The following NUP98 variants were observed in gnomAD, a reference collection of about 807,000 sequenced individuals.
The protein encoded by NUP98 is nucleoporin 98 and 96 precursor, also known as nuclear pore complex protein Nup98-Nup96.
A neutral mutation model predicts 191.9 loss-of-function variants in NUP98; 26 were observed. That is an observed-to-expected ratio of 0.14 (90% CI 0.10 to 0.19). The LOEUF (loss-of-function observed/expected upper bound fraction) is 0.19, where lower values mean the gene tolerates loss of function less well. Ranked by LOEUF, NUP98 falls within the 10% of genes least tolerant of loss-of-function variation. The pLI, the probability that NUP98 is intolerant of heterozygous loss-of-function variation, is 1.00. For synonymous variants in NUP98, 808 were observed against 778.4 expected, an observed-to-expected ratio of 1.04 and a Z score of -0.63; for missense variants, 1,941 against 2,178.8, an observed-to-expected ratio of 0.89 and a Z score of 2.17.
intron 22 of NUP98, 52 bp from the exon 23 acceptor site, chr11:3,702,944 A>T: frequency 7.0e-7 from 1 of 1,430,784 alleles, no homozygotes; most frequent in East Asian, 2.3e-5. Context: ...AACACAAGCT[A>T]TTGTTTCTTG....
intron 21 of NUP98, 118 bp from the exon 22 acceptor site, chr11:3,705,474 CTA>C (rs1318634775): frequency 6.3e-6 from 6 of 950,758 alleles, no homozygotes; most frequent in Admixed American, 2.3e-5. Flanking sequence ...GTGTACAGAG[CTA>C]GTATATTTGT....
At chr11:3,679,902 T>TA (rs200490564) in intron 30 of NUP98, 194 bp from the exon 31 acceptor site, 7,605 of 592,638 alleles carry the variant, frequency 0.013, 89 homozygotes, top group Admixed American at 0.016. Flanking sequence ...GGTATCACAA[T>TA]AAAATCACAA....
intron 12 of NUP98, among the ~76,000 whole-genome samples, chr11:3,743,370 G>C (rs914484055): frequency 6.6e-6 from 1 of 150,542 alleles, no homozygotes; most frequent in Admixed American, 6.6e-5. Flanking sequence ...ATTTCGGCCT[G>C]GCGTGGTGGC....
chr11:3,791,451 T>G (rs562535753), intron 1 of NUP98, among the ~76,000 whole-genome samples: 2 of 139,186 alleles, frequency 1.4e-5, no homozygotes, highest in Admixed American at 1.6e-4. Context: ...GGAGAATCAG[T>G]GGAACCCAGA....
rs142243401 is a variant in NUP98 at position 3,679,564 on chromosome 11, T to G, written c.5063A>C (p.His1688Pro). 3 of 1,614,214 alleles carry G rather than the reference T, an allele frequency of 1.9e-6. No homozygotes were observed. In the South Asian group the frequency reaches 3.3e-5, roughly 18 times the overall value. The change falls in exon 31 of 33, where the codon CAT (histidine) becomes CCT (proline). Residue 1688 changes from histidine to proline, a missense_variant. By Grantham distance (77) the His-to-Pro change is moderately conservative (BLOSUM62 -2). Around this residue, in one of 6 missense-constraint regions of NUP98, gnomAD observed 1,030 missense variants for 1,115.8 expected, o/e 0.92. Transcript: ENST00000324932. The stretch of plus-strand genomic sequence containing the variant: ...CAGGATCTCAGGTACCTGCTGTATA[T>G]GGCGGAGCATTTCAATGACTCTAAT... ...DYIRVIEMLR[H>P]IQQVDCSGND...
Position 3,699,455 on chromosome 11 carries a change from C to T in NUP98, c.3743-107G>A. 7 of 1,219,952 alleles carry T rather than the reference C, an allele frequency of 5.7e-6. No homozygotes were observed. The South Asian group carries it at 8.5e-5, about 15-fold the overall frequency. 75.6% of individuals were successfully genotyped at this position (1,219,952 alleles called of 1,614,324 possible). ...TAAAAATACATAAATTAATAGACAT[C>T]TCAAACAACCACTCAAGCTGATTAC... On this transcript the variant is annotated intron_variant, in intron 24 of 32. Coordinates refer to ENST00000324932, the MANE Select transcript of NUP98 (RefSeq NM_016320.5).
chr11:3,762,825 A>G, intron 9 of NUP98, 77 bp downstream of exon 9: 1 of 1,505,066 alleles, frequency 6.6e-7, no homozygotes, highest in Non-Finnish European at 9.1e-7. Context: ...CCTGCAAAAC[A>G]GTCAAATCCT....
intron 21 of NUP98, among the ~76,000 whole-genome samples, chr11:3,705,837 C>A (rs531528661): frequency 6.6e-6 from 1 of 152,044 alleles, no homozygotes; most frequent in African/African-American, 2.4e-5. Flanking sequence ...ATGACTTGCA[C>A]AAAGTAATAA....
At chr11:3,753,279 G>A (rs2080833743) in intron 11 of NUP98, 37 bp downstream of exon 11, 2 of 1,482,302 alleles carry the variant, frequency 1.3e-6, no homozygotes, top group East Asian at 2.3e-5. Context: ...AAGTCAAGCT[G>A]TGTCACTTCC....
chr11:3,735,328 TTA>T lies in NUP98; in HGVS notation c.1409-6_1409-5del. On this transcript the variant is annotated splice_region_variant and splice_polypyrimidine_tract_variant and intron_variant, in intron 12 of 32. Transcript: ENST00000324932. ...GAAGCATTTGGATCTGTCAAAGCTT[TTA>T]AAAAAAAAAAAAGAAAACAAAATAT... is the stretch of plus-strand genomic sequence containing the variant. The T allele has an allele frequency of 1.4e-6, 2 of 1,445,824 alleles. No homozygotes were observed. Among genetic ancestry groups the T allele is most frequent in the East Asian group, 2.4e-5 (1 of 42,432 alleles). The allele number at this position is 1,445,824 out of a possible 1,614,324, so 89.6% of individuals were successfully genotyped here.
chr11:3,769,520 G>A (rs2133896819), intron 7 of NUP98, among the ~76,000 whole-genome samples: 1 of 146,466 alleles, frequency 6.8e-6, no homozygotes, highest in Admixed American at 7.0e-5. Flanking sequence ...AGGCTGCAGT[G>A]AGCTATGATT....
intron 7 of NUP98, among the ~76,000 whole-genome samples, chr11:3,771,182 A>G (rs1197716334): frequency 6.6e-6 from 1 of 152,100 alleles, no homozygotes; most frequent in African/African-American, 2.4e-5. Flanking sequence ...TCCTTGTCCA[A>G]GACACTAACA....
intron 1 of NUP98, among the ~76,000 whole-genome samples, chr11:3,796,125 C>G (rs905210507): frequency 2.0e-5 from 3 of 152,194 alleles, no homozygotes; most frequent in African/African-American, 4.8e-5. Flanking sequence ...AAGACCGTCA[C>G]AGGGAATGAT....
At chr11:3,749,804 T>C (rs999436354) in intron 11 of NUP98, among the ~76,000 whole-genome samples, 2 of 150,386 alleles carry the variant, frequency 1.3e-5, no homozygotes, top group Non-Finnish European at 3.0e-5. Context: ...AATGTACCAA[T>C]TTCTACTGTC....
intron 30 of NUP98, 41 bp downstream of exon 30, chr11:3,683,158 GA>G: frequency 2.5e-6 from 4 of 1,610,516 alleles, no homozygotes; most frequent in Non-Finnish European, 3.4e-6. Context: ...GAGGTTGGAG[GA>G]ATTTGGGGTG....
At chr11:3,742,905 T>C (rs1350093131) in intron 12 of NUP98, among the ~76,000 whole-genome samples, 2 of 152,172 alleles carry the variant, frequency 1.3e-5, no homozygotes, top group Admixed American at 6.6e-5. Flanking sequence ...GGGAGATTAA[T>C]TTAGTGGTAC....
intron 18 of NUP98, among the ~76,000 whole-genome samples, chr11:3,717,499 A>T (rs1175251175): frequency 1.3e-5 from 2 of 152,196 alleles, no homozygotes; most frequent in Admixed American, 6.5e-5. Flanking sequence ...GTTAGTGTAT[A>T]GCAGTGCAAC....
intron 4 of NUP98, among the ~76,000 whole-genome samples, chr11:3,776,515 G>A (rs11029727): frequency 6.1e-4 from 89 of 145,304 alleles, no homozygotes; most frequent in African/African-American, 2.0e-3. Context: ...ACGGAGTCTC[G>A]CTGTGTAGCC....
intron 2 of NUP98, 120 bp from the exon 3 acceptor site, chr11:3,779,377 C>CA (rs2081870424): frequency 1.2e-6 from 1 of 868,690 alleles, no homozygotes; most frequent in African/African-American, 1.7e-5. Flanking sequence ...CATGGTGGCT[C>CA]ACGCCTGTAA....
Sources: gnomAD v4.1 joint callset for allele counts (sites outside exome capture counted in the v4.1 genomes callset) on GRCh38, gnomAD v4.1.1 for gene constraint, gnomAD v4.1.1 regional missense constraint, MANE v1.5 for transcripts, NCBI Gene and HGNC (gene_info 2026-07-23, HGNC 2026-07-21) for gene names.